Variants in KAZN observed in about 807,000 individuals in gnomAD.
KAZN encodes the protein kazrin, periplakin interacting protein, also known as kazrin.
A neutral mutation model predicts 87.4 loss-of-function variants in KAZN; 40 were observed. The ratio of observed to expected loss-of-function variants is 0.46; its 90% confidence interval spans 0.36 to 0.60. The LOEUF (loss-of-function observed/expected upper bound fraction) is 0.60, where lower values mean the gene tolerates loss of function less well. KAZN is among the 20% of genes least tolerant of loss of function. KAZN has a pLI of 0.00. For missense variants in KAZN, 898 were observed against 1,073.9 expected, an observed-to-expected ratio of 0.84 and a Z score of 2.29; for synonymous variants, 466 against 458.3, an observed-to-expected ratio of 1.02 and a Z score of -0.22.
At position 14,279,151 on chromosome 1, in the gene KAZN, G is replaced by A. The variant is rs56956298; in HGVS notation, c.249+98559G>A. ...AAATTGTCATATTACTTATTTAAATGTAGCTAAATACTAAAGACTTTTTAT... is the reference window on the plus strand; with the variant it reads ...AAATTGTCATATTACTTATTTAAATATAGCTAAATACTAAAGACTTTTTAT... On this transcript the variant is annotated intron_variant, in intron 2 of 16. Transcript: ENST00000636203. 2.3e-3 allele frequency among the ~76,000 whole-genome samples: 354 copies of A among 152,214 alleles called. 4 individuals carry two copies. Among genetic ancestry groups the A allele is most frequent in the African/African-American group, 8.2e-3 (339 of 41,526 alleles).
chr1:14,420,293 CAG>C (rs1363582586), intron 2 of KAZN, among the ~76,000 whole-genome samples: 2 of 152,188 alleles, frequency 1.3e-5, no homozygotes, highest in East Asian at 3.9e-4. Context: ...TAGCTAGATA[CAG>C]AGTGCTGATT....
chr1:14,609,227 A>C lies in KAZN; in HGVS notation c.226+10004A>C, dbSNP rs535823071. ...CAGTGCATCTTGAGATTTGGGAGTT[A>C]ACAGAAAGGCAAGGCTTGGGTGCCA... On this transcript the variant is annotated intron_variant, in intron 1 of 14. Transcript: ENST00000376030. 6.1e-4 allele frequency among the ~76,000 whole-genome samples: 93 copies of C among 152,336 alleles called. No individual in the cohort carries two copies. In the South Asian group the frequency reaches 9.3e-3, roughly 15 times the overall value.
chr1:14,557,152 T>C (rs192469834), intron 2 of KAZN, among the ~76,000 whole-genome samples: 100 of 152,338 alleles, frequency 6.6e-4, no homozygotes, highest in Non-Finnish European at 9.8e-4. Flanking sequence ...GTCAAAATTT[T>C]AGCAGACTGC....
chr1:15,040,152 C>T (rs1672743972), intron 3 of KAZN, among the ~76,000 whole-genome samples: 1 of 152,182 alleles, frequency 6.6e-6, no homozygotes, highest in Non-Finnish European at 1.5e-5. Flanking sequence ...TGTTTAGAGC[C>T]AGTTTGGCAA....
chr1:14,343,883 T>G (rs949010352), intron 2 of KAZN, among the ~76,000 whole-genome samples: 1 of 152,224 alleles, frequency 6.6e-6, no homozygotes, highest in African/African-American at 2.4e-5. Flanking sequence ...AACATTTTCA[T>G]GTAAAGAATT....
chr1:13,938,857 C>T (rs919364004), intron 1 of KAZN, among the ~76,000 whole-genome samples: 2 of 152,264 alleles, frequency 1.3e-5, no homozygotes, highest in African/African-American at 4.8e-5. Context: ...CTATGGTTTG[C>T]ACCCTCTGCA....
intron 2 of KAZN, among the ~76,000 whole-genome samples, chr1:14,332,227 C>T (rs1230694933): frequency 6.6e-6 from 1 of 152,182 alleles, no homozygotes; most frequent in Non-Finnish European, 1.5e-5. Flanking sequence ...TTTATTAATC[C>T]ATTCTTCCAT....
At chr1:14,577,576 C>A (rs1012890528) in intron 2 of KAZN, among the ~76,000 whole-genome samples, 5 of 152,086 alleles carry the variant, frequency 3.3e-5, no homozygotes, top group Non-Finnish European at 7.3e-5. Flanking sequence ...GAGATGGGAG[C>A]CCTTCTGGAA....
chr1:14,056,025 G>A (rs1642540155), intron 1 of KAZN, among the ~76,000 whole-genome samples: 1 of 152,074 alleles, frequency 6.6e-6, no homozygotes, highest in Admixed American at 6.6e-5. Flanking sequence ...TCTAGTTTCT[G>A]CACTTTGCTC....
At chr1:14,053,780 C>G (rs888988984) in intron 1 of KAZN, among the ~76,000 whole-genome samples, 2 of 152,200 alleles carry the variant, frequency 1.3e-5, no homozygotes, top group African/African-American at 4.8e-5. Context: ...GTCAGACATC[C>G]ATGCATAACT....
intron 2 of KAZN, among the ~76,000 whole-genome samples, chr1:14,526,831 T>C (rs966402324): frequency 1.3e-5 from 2 of 152,194 alleles, no homozygotes; most frequent in Non-Finnish European, 2.9e-5. Context: ...TGTATCCATC[T>C]TGAAAGAGAT....
At chr1:14,388,469 T>C (rs1662139525) in intron 2 of KAZN, among the ~76,000 whole-genome samples, 1 of 152,208 alleles carries the variant, frequency 6.6e-6, no homozygotes, top group Admixed American at 6.5e-5. Flanking sequence ...TACAGAGTTA[T>C]AGTAGCCAAA....
rs2789745 is a variant in KAZN, at chr1:14,346,276, C to G, written c.249+165684C>G. Reference sequence around the variant, plus strand: ...AGGAAGAAGAAGAAAAGTTTTGGCTCGAAAATGCTCTTCAAGGACACAAGG... The same window carrying G: ...AGGAAGAAGAAGAAAAGTTTTGGCTGGAAAATGCTCTTCAAGGACACAAGG... On this transcript the variant is annotated intron_variant, in intron 2 of 16. Transcript: ENST00000636203. Among the ~76,000 whole-genome samples the G allele has an allele frequency of 2.0e-5, 3 of 152,124 alleles. No homozygotes were observed. In the East Asian group the frequency reaches 5.8e-4, roughly 29 times the overall value.
intron 1 of KAZN, among the ~76,000 whole-genome samples, chr1:14,765,261 G>GGA (rs1317416753): frequency 1.3e-5 from 2 of 152,120 alleles, no homozygotes; most frequent in Non-Finnish European, 2.9e-5. Flanking sequence ...GTACCTCCTT[G>GGA]GAGACAAGGT....
intron 8 of KAZN, among the ~76,000 whole-genome samples, chr1:15,071,456 T>C (rs1639503690): frequency 6.6e-6 from 1 of 152,106 alleles, no homozygotes; most frequent in African/African-American, 2.4e-5. Context: ...GAGTTTGCCA[T>C]GTTGGCCAGG....
At position 14,929,856 on chromosome 1, in the gene KAZN, G is replaced by C. The variant is rs59572147; in HGVS notation, c.227-30828G>C. ...CACAAGGACAACCTCTGTCTCCCTT[G>C]TGGCGGCTTCTATGAAGGTGGGGAC... On this transcript the variant is annotated intron_variant, in intron 1 of 14. Coordinates refer to ENST00000376030, the MANE Select transcript of KAZN (RefSeq NM_201628.3). The C allele has an allele frequency of 6.6e-3, 6,530 of 985,448 alleles. 272 individuals are homozygous for C. In the East Asian group the frequency reaches 0.091, roughly 14 times the overall value. The allele number at this position is 985,448 out of a possible 1,614,324, so 61.0% of individuals were successfully genotyped here.
At chr1:14,933,237 A>C (rs1273758268) in intron 1 of KAZN, among the ~76,000 whole-genome samples, 1 of 152,048 alleles carries the variant, frequency 6.6e-6, no homozygotes, top group East Asian at 1.9e-4. Flanking sequence ...GATTACACAC[A>C]TGTGCCACCA....
chr1:14,776,162 C>T (rs1366596909), intron 1 of KAZN, among the ~76,000 whole-genome samples: 2 of 152,084 alleles, frequency 1.3e-5, no homozygotes, highest in African/African-American at 4.8e-5. Flanking sequence ...GGCTACCACG[C>T]CTGGCTAATT....
intron 2 of KAZN, among the ~76,000 whole-genome samples, chr1:14,476,301 TG>T (rs1668719215): frequency 6.6e-6 from 1 of 152,246 alleles, no homozygotes; most frequent in African/African-American, 2.4e-5. Flanking sequence ...ATTCTGCCCT[TG>T]GTCTCAAATA....
Sources: allele counts gnomAD v4.1 joint callset (sites outside exome capture counted in the v4.1 genomes callset), GRCh38; gene constraint gnomAD v4.1.1; transcripts MANE v1.5; gene names NCBI Gene and HGNC (gene_info 2026-07-23, HGNC 2026-07-21).